SHANK2: variants seen among roughly 807,000 people sequenced by gnomAD.
The protein encoded by SHANK2 is SH3 and multiple ankyrin repeat domains protein 2.
SHANK2 carries 43 observed loss-of-function variants against 133.7 expected under a neutral mutation model. That is an observed-to-expected ratio of 0.32 (90% CI 0.25 to 0.41). SHANK2 has a LOEUF of 0.41. Ranked by LOEUF, SHANK2 falls within the 10% of genes least tolerant of loss-of-function variation. The probability of loss-of-function intolerance (pLI) is 1.00; values close to 1 mark genes in which losing one functional copy is unlikely to be tolerated. For missense variants in SHANK2, 1,994 were observed against 2,235.8 expected (o/e 0.89, Z 2.18); for synonymous variants, 1,017 against 952.8 (o/e 1.07, Z -1.24).
At chr11:70,557,784 G>C (rs1057344355) in intron 17 of SHANK2, among the ~76,000 whole-genome samples, 1 of 152,182 alleles carries the variant, frequency 6.6e-6, no homozygotes, top group African/African-American at 2.4e-5. Flanking sequence ...GGGCCTGCAC[G>C]TTTCCAACGG....
At chr11:71,217,504 A>C (rs1313582306) in intron 2 of SHANK2, among the ~76,000 whole-genome samples, 1 of 140,504 alleles carries the variant, frequency 7.1e-6, no homozygotes, top group Non-Finnish European at 1.6e-5. Flanking sequence ...ACTCCGTCTC[A>C]AAAAAAAAAA....
chr11:71,100,090 A>G (rs1164519696), intron 6 of SHANK2, among the ~76,000 whole-genome samples: 2 of 151,700 alleles, frequency 1.3e-5, no homozygotes, highest in African/African-American at 4.8e-5. Context: ...CGTCAGAATG[A>G]TGAAAATCTA....
At chr11:71,090,922 T>C (rs534955981) in intron 8 of SHANK2, among the ~76,000 whole-genome samples, 99 of 152,222 alleles carry the variant, frequency 6.5e-4, no homozygotes, top group Non-Finnish European at 1.2e-3. Flanking sequence ...CTTCAACTCA[T>C]TGGATGGGGC....
At chr11:71,064,913 C>T (rs1441745614) in intron 9 of SHANK2, among the ~76,000 whole-genome samples, 3 of 152,232 alleles carry the variant, frequency 2.0e-5, no homozygotes, top group African/African-American at 7.2e-5. Context: ...CAGAAGTGAG[C>T]TGGGAGACTC....
chr11:70,850,722 G>A (rs2135465098), intron 11 of SHANK2, among the ~76,000 whole-genome samples: 1 of 152,314 alleles, frequency 6.6e-6, no homozygotes, highest in South Asian at 2.1e-4. Context: ...GGACCTTCTA[G>A]TCAGTTCTGA....
At chr11:70,819,695 G>A (rs143311399) in intron 12 of SHANK2, among the ~76,000 whole-genome samples, 34 of 152,214 alleles carry the variant, frequency 2.2e-4, no homozygotes, top group African/African-American at 7.9e-4. Context: ...GAAATGGAAC[G>A]AGGCACAGGC....
intron 15 of SHANK2, among the ~76,000 whole-genome samples, chr11:70,692,751 A>G (rs1945316428): frequency 6.6e-6 from 1 of 152,198 alleles, no homozygotes; most frequent in Admixed American, 6.5e-5. Context: ...GATTTAGAAA[A>G]GATAAAAATT....
intron 2 of SHANK2, among the ~76,000 whole-genome samples, chr11:71,203,937 G>A (rs182386046): frequency 1.5e-4 from 23 of 152,262 alleles, no homozygotes; most frequent in South Asian, 2.1e-4. Context: ...GTGCCGCCCC[G>A]GGAGAGAACA....
At chr11:70,663,223 T>G (rs913685212) in intron 15 of SHANK2, among the ~76,000 whole-genome samples, 4 of 151,250 alleles carry the variant, frequency 2.6e-5, no homozygotes, top group Non-Finnish European at 1.5e-5. Context: ...CCCAGAGGAG[T>G]GCGGGTCAGC....
intron 10 of SHANK2, among the ~76,000 whole-genome samples, chr11:70,937,749 T>C (rs546760543): frequency 4.0e-5 from 6 of 151,868 alleles, no homozygotes; most frequent in African/African-American, 1.2e-4. Flanking sequence ...AGAAAAAAGG[T>C]CTAGGTCAAG....
At chr11:71,096,704 G>T (rs1951620605) in intron 6 of SHANK2, among the ~76,000 whole-genome samples, 1 of 152,200 alleles carries the variant, frequency 6.6e-6, no homozygotes, top group South Asian at 2.1e-4. Flanking sequence ...GGCAAGGTTA[G>T]CCTTCAAAAC....
At chr11:70,483,669 G>A (rs1474718471) in intron 25 of SHANK2, among the ~76,000 whole-genome samples, 1 of 152,022 alleles carries the variant, frequency 6.6e-6, no homozygotes, top group African/African-American at 2.4e-5. Flanking sequence ...GCTGCAATGA[G>A]CCGTGATCAC....
At chr11:71,092,323 A>G (rs527279683) in intron 8 of SHANK2, 99 bp downstream of exon 8, 467 of 1,306,174 alleles carry the variant, frequency 3.6e-4, no homozygotes, top group Middle Eastern at 1.1e-3. Context: ...ACCTGAAGGC[A>G]GGATCTAACC....
At chr11:70,595,131 C>T (rs1304367965) in intron 17 of SHANK2, among the ~76,000 whole-genome samples, 1 of 152,292 alleles carries the variant, frequency 6.6e-6, no homozygotes, top group East Asian at 1.9e-4. Flanking sequence ...GGGCCCAAGG[C>T]TTGCTCTCTG....
At chr11:70,769,051 C>T (rs536197420) in intron 14 of SHANK2, among the ~76,000 whole-genome samples, 34 of 152,296 alleles carry the variant, frequency 2.2e-4, no homozygotes, top group African/African-American at 7.7e-4. Flanking sequence ...GGCCACCACT[C>T]TTCCCCAGGT....
intron 17 of SHANK2, among the ~76,000 whole-genome samples, chr11:70,645,448 A>G (rs1355471698): frequency 6.6e-6 from 1 of 152,122 alleles, no homozygotes; most frequent in African/African-American, 2.4e-5. Flanking sequence ...CTGAACAACA[A>G]ATCAGTCCAC....
At chr11:71,233,765 A>T (rs991262916) in intron 1 of SHANK2, among the ~76,000 whole-genome samples, 3 of 152,334 alleles carry the variant, frequency 2.0e-5, no homozygotes, top group African/African-American at 7.2e-5. Context: ...GTTGGCCTGC[A>T]GGCCAGACAC....
chr11:71,148,938 A>G (rs774262560), intron 2 of SHANK2, among the ~76,000 whole-genome samples: 18 of 152,122 alleles, frequency 1.2e-4, no homozygotes, highest in Non-Finnish European at 2.2e-4. Context: ...CACATGCCCA[A>G]TGCAGGAGAG....
chr11:71,071,540 G>T lies in SHANK2; in HGVS notation c.1029+3619C>A, dbSNP rs1478557514. Reference sequence around the variant, plus strand: ...ATAACTGCCTGGTCCTGGACATTTTGCCCTGGCTATGTCTCACAAAGGGCT... The same window carrying T: ...ATAACTGCCTGGTCCTGGACATTTTTCCCTGGCTATGTCTCACAAAGGGCT... On this transcript the variant is annotated intron_variant, in intron 9 of 25. Coordinates refer to ENST00000601538, the MANE Select transcript of SHANK2 (RefSeq NM_012309.5). Among the ~76,000 whole-genome samples the T allele has an allele frequency of 2.6e-5, 4 of 152,362 alleles. No homozygotes were observed. The East Asian group carries it at 7.7e-4, about 29-fold the overall frequency.
Sources: gnomAD v4.1 joint callset for allele counts (sites outside exome capture counted in the v4.1 genomes callset) on GRCh38, gnomAD v4.1.1 for gene constraint, MANE v1.5 for transcripts, NCBI Gene and HGNC (gene_info 2026-07-23, HGNC 2026-07-21) for gene names.